ITPR1: variants seen among roughly 807,000 people sequenced by gnomAD.
The protein encoded by ITPR1 is inositol 1,4,5-trisphosphate-gated calcium channel ITPR1.
In ITPR1, 96 loss-of-function variants were observed where a neutral mutation model predicts 318.4. The observed-to-expected ratio is 0.30, with a 90% CI of 0.26 to 0.36. The LOEUF (loss-of-function observed/expected upper bound fraction) is 0.36. Among genes scored for constraint, ITPR1 ranks in the 10% least tolerant of loss-of-function variants. The pLI is 1.00. For synonymous variants in ITPR1, 1,312 were observed against 1,289.9 expected, an observed-to-expected ratio of 1.02 and a Z score of -0.37; for missense variants, 2,440 against 3,460.2, an observed-to-expected ratio of 0.71 and a Z score of 7.40.
intron 4 of ITPR1, among the ~76,000 whole-genome samples, chr3:4,533,310 C>T (rs75527467): frequency 0.057 from 8,619 of 152,244 alleles, 564 homozygotes; most frequent in African/African-American, 0.15. Context: ...GACACTACAG[C>T]GTGGTGGTTA....
chr3:4,531,615 C>A (rs1218540064), intron 4 of ITPR1, among the ~76,000 whole-genome samples: 1 of 152,186 alleles, frequency 6.6e-6, no homozygotes, highest in Non-Finnish European at 1.5e-5. Flanking sequence ...TCTGCAGTAA[C>A]TCCTCCAGGT....
chr3:4,524,638 T>C (rs1321933443), intron 4 of ITPR1, among the ~76,000 whole-genome samples: 1 of 152,224 alleles, frequency 6.6e-6, no homozygotes, highest in African/African-American at 2.4e-5. Flanking sequence ...TTATTTCCTA[T>C]ATTGAGAACC....
intron 4 of ITPR1, among the ~76,000 whole-genome samples, chr3:4,558,521 G>A (rs1044474852): frequency 5.3e-5 from 8 of 152,088 alleles, no homozygotes; most frequent in Non-Finnish European, 7.4e-5. Flanking sequence ...AAGTGAAGAG[G>A]GCTCTAATGA....
chr3:4,681,531 GGT>G (rs1311950149), intron 26 of ITPR1, 113 bp downstream of exon 26: 1 of 763,504 alleles, frequency 1.3e-6, no homozygotes, highest in Non-Finnish European at 2.2e-6. Flanking sequence ...AGGTTGTTTT[GGT>G]GCTATCTTTG....
At chr3:4,714,765 A>G (rs1394844652) in intron 39 of ITPR1, among the ~76,000 whole-genome samples, 1 of 152,252 alleles carries the variant, frequency 6.6e-6, no homozygotes, top group Non-Finnish European at 1.5e-5. Flanking sequence ...GTCACAGATG[A>G]AAAAGAAAGT....
chr3:4,510,957 G>A (rs728266), intron 2 of ITPR1, among the ~76,000 whole-genome samples: 32,886 of 151,998 alleles, frequency 0.22, 4,042 homozygotes, highest in Admixed American at 0.31. Context: ...AGGGAGGACT[G>A]GAGGAGCCAC....
chr3:4,689,712 G>A (rs1352591596), intron 31 of ITPR1, among the ~76,000 whole-genome samples: 1 of 152,134 alleles, frequency 6.6e-6, no homozygotes, highest in Non-Finnish European at 1.5e-5. Flanking sequence ...GGTAAAAAGT[G>A]AAAAATAAGC....
At chr3:4,686,831 G>A (rs1368547113) in intron 30 of ITPR1, among the ~76,000 whole-genome samples, 2 of 152,166 alleles carry the variant, frequency 1.3e-5, no homozygotes, top group Non-Finnish European at 2.9e-5. Context: ...AAGGACTGGA[G>A]GTGTGTGGAA....
At chr3:4,830,195 C>T (rs374593767) in intron 60 of ITPR1, among the ~76,000 whole-genome samples, 7 of 151,744 alleles carry the variant, frequency 4.6e-5, no homozygotes, top group Non-Finnish European at 1.0e-4. Flanking sequence ...GGGTTGGTCT[C>T]GAACTCCTGA....
In ITPR1 at chr3:4,755,757, C is replaced by A. The variant is rs190723288; in HGVS notation, c.5545-10773C>A. On this transcript the variant is annotated intron_variant, in intron 44 of 61. Coordinates refer to ENST00000649015, the MANE Select transcript of ITPR1 (RefSeq NM_001378452.1). ...GGCATAGCGAAGGGCGTCTGCCCCA[C>A]CCTTGCCTGGCAGGGTAGTTGAAAC... 3.9e-5 allele frequency among the ~76,000 whole-genome samples: 6 copies of A among 152,358 alleles called. No homozygotes were observed. In the East Asian group the frequency reaches 1.2e-3, roughly 29 times the overall value.
chr3:4,565,258 T>C (rs1285446612), intron 4 of ITPR1, among the ~76,000 whole-genome samples: 2 of 152,130 alleles, frequency 1.3e-5, no homozygotes, highest in African/African-American at 4.8e-5. Flanking sequence ...AGCCCTAGTT[T>C]CAGCATGATT....
chr3:4,766,761 C>A, intron 45 of ITPR1, 51 bp downstream of exon 45: 1 of 1,376,700 alleles, frequency 7.3e-7, no homozygotes, highest in South Asian at 1.5e-5. Context: ...CCAGAAGAGT[C>A]CTTGTTATCC....
chr3:4,782,483 T>C, intron 49 of ITPR1, 136 bp from the exon 50 acceptor site: 1 of 772,428 alleles, frequency 1.3e-6, no homozygotes, highest in African/African-American at 1.8e-5. Context: ...TCTGAGGCTG[T>C]GTCCAAGCCC....
At chr3:4,652,742 A>G (rs1011947908) in intron 11 of ITPR1, among the ~76,000 whole-genome samples, 2 of 152,204 alleles carry the variant, frequency 1.3e-5, no homozygotes, top group African/African-American at 2.4e-5. Flanking sequence ...TGAAGGGGCC[A>G]GGCACAGTGG....
At position 4,700,034 on chromosome 3, in the gene ITPR1, C is replaced by T. The variant is rs183806128; in HGVS notation, c.4536+93C>T. On this transcript the variant is annotated intron_variant, in intron 35 of 61. Coordinates refer to ENST00000649015, the MANE Select transcript of ITPR1 (RefSeq NM_001378452.1). ...TTGGGAGTAAGCAATTGTAAATGAA[C>T]TGGTCTGCAAGGCATTAATACAAGA... The T allele has an allele frequency of 2.0e-4, 231 of 1,148,970 alleles. 1 individual carries two copies. The East Asian group carries it at 4.9e-3, about 24-fold the overall frequency. 71.2% of individuals were successfully genotyped at this position (1,148,970 alleles called of 1,614,324 possible).
At chr3:4,735,032 G>T in intron 43 of ITPR1, 132 bp from the exon 44 acceptor site, 1 of 684,774 alleles carries the variant, frequency 1.5e-6, no homozygotes. Context: ...TTTTCCTTGT[G>T]GGATTAAAAG....
At chr3:4,739,369 C>T (rs949688715) in intron 44 of ITPR1, among the ~76,000 whole-genome samples, 1 of 152,178 alleles carries the variant, frequency 6.6e-6, no homozygotes, top group Admixed American at 6.5e-5. Context: ...CTGTGGTCAG[C>T]TGGCCTTCTT....
At chr3:4,537,359 T>G (rs2083969581) in intron 4 of ITPR1, among the ~76,000 whole-genome samples, 1 of 152,192 alleles carries the variant, frequency 6.6e-6, no homozygotes, top group African/African-American at 2.4e-5. Flanking sequence ...AGCTCTGTTC[T>G]TCTAGAAATT....
intron 44 of ITPR1, among the ~76,000 whole-genome samples, chr3:4,743,545 T>G (rs1207577187): frequency 1.3e-5 from 2 of 152,182 alleles, no homozygotes; most frequent in South Asian, 2.1e-4. Context: ...CCCTCCAGGT[T>G]GGTGATAAGA....
Sources: gnomAD v4.1 joint callset for allele counts (sites outside exome capture counted in the v4.1 genomes callset) on GRCh38, gnomAD v4.1.1 for gene constraint, MANE v1.5 for transcripts, NCBI Gene and HGNC (gene_info 2026-07-23, HGNC 2026-07-21) for gene names.